RCVRN: variants seen among roughly 807,000 people sequenced by gnomAD.
RCVRN encodes cancer associated retinopathy antigen.
Under a neutral mutation model 20.4 loss-of-function variants are expected in RCVRN, and 23 were observed. The ratio of observed to expected loss-of-function variants is 1.13; its 90% CI spans 0.81 to 1.60. The LOEUF is 1.60. Among genes scored for constraint, RCVRN ranks in the 40% most tolerant of loss-of-function variants. The pLI is 0.00. For synonymous variants in RCVRN, 105 were observed against 105.9 expected (o/e 0.99, Z 0.05); for missense variants, 254 against 254.2 (o/e 1.00, Z 0.00).
rs139258757 is a variant in RCVRN, at chr17:9,905,021, C to T, written c.160G>A (p.Ala54Thr). The T allele has an allele frequency of 4.6e-5, 74 of 1,613,894 alleles. No individual in the cohort carries two copies. Among genetic ancestry groups the T allele is most frequent in the Non-Finnish European group, 6.0e-5 (71 of 1,179,968 alleles). ...GGGTCGGTGTCGGGGAAGAACTTGG[C>T]GTAGATGCTCTGGAACTGCTGCTGG... ...ITQQQFQSIY[A>T]KFFPDTDPKA... Residue 54 changes from alanine to threonine, a missense_variant, in exon 1 of 3, where the codon GCC becomes ACC. Transcript: ENST00000226193.
Position 9,899,672 on chromosome 17 carries a change from G to A in RCVRN, c.493+1317C>T, listed in dbSNP as rs1201962797. On this transcript the variant is annotated intron_variant, in intron 2 of 2. Transcript: ENST00000226193. The surrounding 1 kb of genome is among the most constrained non-coding windows in gnomAD (Gnocchi z 4.6). ...CAAAGGTGAGGGGCCAATCCGGGCC[G>A]ATGAGGGAAAGGTGGGTAAAGTACC... Among the ~76,000 whole-genome samples the A allele has an allele frequency of 1.3e-5, 2 of 152,192 alleles. No individual in the cohort carries two copies. Among genetic ancestry groups the A allele is most frequent in the Non-Finnish European group, 2.9e-5 (2 of 68,028 alleles).
intron 2 of RCVRN, 50 bp from the exon 3 acceptor site, chr17:9,898,254 A>G: frequency 8.9e-7 from 1 of 1,122,152 alleles, no homozygotes; most frequent in Non-Finnish European, 1.4e-6. Flanking sequence ...CAGGATTGAT[A>G]GCCAAGTGAG....
chr17:9,901,368 G>C (rs1304480821), intron 1 of RCVRN, among the ~76,000 whole-genome samples: 7 of 152,040 alleles, frequency 4.6e-5, no homozygotes, highest in Non-Finnish European at 8.8e-5. Context: ...ACACTAAAGA[G>C]CTTCTCCATG....
chr17:9,903,256 C>T (rs2067349046), intron 1 of RCVRN, among the ~76,000 whole-genome samples: 1 of 152,160 alleles, frequency 6.6e-6, no homozygotes, highest in African/African-American at 2.4e-5. Flanking sequence ...TCAGATAAAC[C>T]ATTTTCAAGA....
intron 2 of RCVRN, 105 bp from the exon 3 acceptor site, chr17:9,898,309 A>G: frequency 4.1e-6 from 3 of 738,192 alleles, no homozygotes; most frequent in Non-Finnish European, 7.3e-6. Flanking sequence ...GTGTGAATGT[A>G]TCTATTATAA....
chr17:9,904,765 C>T lies in RCVRN; in HGVS notation c.381+35G>A, dbSNP rs369625259. On this transcript the variant is annotated intron_variant, in intron 1 of 2. Coordinates refer to ENST00000226193, the MANE Select transcript of RCVRN (RefSeq NM_002903.3). The surrounding 1 kb of genome is among the most constrained non-coding windows in gnomAD (Gnocchi z 5.8). The stretch of plus-strand genomic sequence containing the variant: ...GACCCCCAGCCCGGAGCGACCCCGG[C>T]ACCGCCCAGCCAGAAGGGGAGAGGG... 67 of 1,591,660 alleles carry T rather than the reference C, an allele frequency of 4.2e-5. No homozygotes were observed. The highest frequency in any genetic ancestry group is 5.5e-5 in the Non-Finnish European group (64 of 1,166,792).
At chr17:9,898,734 G>A (rs1045989821) in intron 2 of RCVRN, among the ~76,000 whole-genome samples, 1 of 152,086 alleles carries the variant, frequency 6.6e-6, no homozygotes, top group Non-Finnish European at 1.5e-5. Flanking sequence ...ATGCCAGGGG[G>A]AGTGTGGCTT....
At position 9,904,799 on chromosome 17, in the gene RCVRN, C is replaced by T; in HGVS notation, c.381+1G>A. 6.2e-7 allele frequency: 1 copy of T among 1,612,716 alleles called. No homozygotes were observed. Among genetic ancestry groups the T allele is most frequent in the South Asian group, 1.1e-5 (1 of 90,944 alleles). On this transcript the variant is annotated splice_donor_variant, in intron 1 of 2. Transcript: ENST00000226193. LOFTEE classifies it high-confidence loss of function. This position sits in a 1 kb window ranked among gnomAD's most constrained non-coding sequence, Gnocchi z 5.8. ...GCCAGAAGGGGAGAGGGGAGACTGA[C>T]CATGACGATCTCCAGCACTTCATTC...
chr17:9,898,728 C>T (rs994705927), intron 2 of RCVRN, among the ~76,000 whole-genome samples: 17 of 152,066 alleles, frequency 1.1e-4, no homozygotes, highest in African/African-American at 4.1e-4. Flanking sequence ...GAGATCATGC[C>T]AGGGGGAGTG....
chr17:9,901,730 G>C (rs537839604), intron 1 of RCVRN, among the ~76,000 whole-genome samples: 8 of 152,348 alleles, frequency 5.3e-5, no homozygotes, highest in African/African-American at 1.9e-4. Context: ...AGCTGGCAGT[G>C]AGTGCCTGCC....
Position 9,897,301 on chromosome 17 carries a change from G to A in RCVRN, c.*794C>T, listed in dbSNP as rs2067321350. The A allele has an allele frequency of 1.3e-5, 2 of 151,902 alleles. No homozygotes were observed. Among genetic ancestry groups the A allele is most frequent in the African/African-American group, 4.8e-5 (2 of 41,312 alleles). 9.4% of individuals were successfully genotyped at this position (151,902 alleles called of 1,614,324 possible). ...CCTCCAGCCACCCCGACCTTCTCCTGGAACTCGAGATGGTCATTCATGCCT... is the reference window on the plus strand; with the variant it reads ...CCTCCAGCCACCCCGACCTTCTCCTAGAACTCGAGATGGTCATTCATGCCT... On this transcript the variant is annotated 3_prime_UTR_variant, in exon 3 of 3. Coordinates refer to ENST00000226193, the MANE Select transcript of RCVRN (RefSeq NM_002903.3).
At chr17:9,900,080 A>G (rs1411008372) in intron 2 of RCVRN, among the ~76,000 whole-genome samples, 1 of 152,146 alleles carries the variant, frequency 6.6e-6, no homozygotes. Context: ...CACGGGTTCC[A>G]TAGCCCCACA....
In RCVRN at chr17:9,904,111, C is replaced by T. The variant is rs1034688047; in HGVS notation, c.381+689G>A. Among the ~76,000 whole-genome samples, 5 of 152,118 alleles carry T rather than the reference C, an allele frequency of 3.3e-5. No individual in the cohort carries two copies. Among genetic ancestry groups the T allele is most frequent in the South Asian group, 2.1e-4 (1 of 4,806 alleles). ...CAAAAATTAGCTAGGCATAGTGGTG[C>T]ACACCTGTAATCCCAGCTACTCGGG... On this transcript the variant is annotated intron_variant, in intron 1 of 2. Coordinates refer to ENST00000226193, the MANE Select transcript of RCVRN (RefSeq NM_002903.3). The surrounding 1 kb of genome is among the most constrained non-coding windows in gnomAD (Gnocchi z 5.8).
intron 1 of RCVRN, 46 bp from the exon 2 acceptor site, chr17:9,901,146 G>T (rs748653855): frequency 1.4e-5 from 15 of 1,097,392 alleles, no homozygotes; most frequent in Non-Finnish European, 1.9e-5. Context: ...AACTTTAAGG[G>T]GCTGGCAACC....
At chr17:9,898,640 T>A (rs931647130) in intron 2 of RCVRN, among the ~76,000 whole-genome samples, 1 of 152,228 alleles carries the variant, frequency 6.6e-6, no homozygotes, top group Non-Finnish European at 1.5e-5. Flanking sequence ...ACAATCTGGA[T>A]GTCAGGCCCA....
Position 9,897,125 on chromosome 17 carries a change from AC to A in RCVRN, c.*969del, listed in dbSNP as rs2067320443. On this transcript the variant is annotated 3_prime_UTR_variant, in exon 3 of 3. Coordinates refer to ENST00000226193, the MANE Select transcript of RCVRN (RefSeq NM_002903.3). Reference sequence around the variant, plus strand: ...CTGGGGACTTCTCTTACAAACATAAACCCCTCCTACTTCCAACTCCACAGTG... The same window carrying A: ...CTGGGGACTTCTCTTACAAACATAAACCCTCCTACTTCCAACTCCACAGTG... 6.6e-6 allele frequency: 1 copy of A among 151,454 alleles called. No individual in the cohort carries two copies. 9.4% of individuals were successfully genotyped at this position (151,454 alleles called of 1,614,324 possible). A position where few individuals can be genotyped will look rare whatever the true frequency, so the allele number is the denominator to read the frequency against.
chr17:9,897,689 A>C lies in RCVRN; in HGVS notation c.*406T>G. ...AGAAATCATTTCCTTTTCCAGTTGA[A>C]GGATGACCAGCAGCCACGTGCCCAG... is the stretch of plus-strand genomic sequence containing the variant. On this transcript the variant is annotated 3_prime_UTR_variant, in exon 3 of 3. Transcript: ENST00000226193. 1 of 171,874 alleles carries C rather than the reference A, an allele frequency of 5.8e-6. No individual in the cohort carries two copies. The highest frequency in any genetic ancestry group is 1.2e-5 in the Non-Finnish European group (1 of 80,312). 10.6% of individuals were successfully genotyped at this position (171,874 alleles called of 1,614,324 possible).
Position 9,898,130 on chromosome 17 carries a change from G to A in RCVRN, c.568C>T (p.Pro190Ser), listed in dbSNP as rs761987430. 4.5e-5 allele frequency: 72 copies of A among 1,613,696 alleles called. No homozygotes were observed. The highest frequency in any genetic ancestry group is 1.1e-5 in the South Asian group (1 of 91,072). ...TTCATCTTTTCCTTCACTTTTTGAG[G>A]CTCAAACTGGATCAGTCGCAGAATT... is the stretch of plus-strand genomic sequence containing the variant. ...KEILRLIQFE[P>S]QKVKEKMKNA Residue 190 changes from proline to serine, a missense_variant, in exon 3 of 3, where the codon CCT becomes TCT. Pro to Ser is a moderately conservative substitution (Grantham distance 74). Transcript: ENST00000226193.
In RCVRN at chr17:9,898,125, T is replaced by C. The variant is rs772055568; in HGVS notation, c.573A>G (p.Gln191=). ...CGTTCTTCATCTTTTCCTTCACTTT[T>C]TGAGGCTCAAACTGGATCAGTCGCA... is the stretch of plus-strand genomic sequence containing the variant. ...EILRLIQFEP[Q]KVKEKMKNA is the part of the protein sequence containing the mutation. The change falls in exon 3 of 3, where the codon CAA becomes CAG. Residue 191 remains glutamine (Q), a synonymous_variant. Transcript: ENST00000226193. The C allele has an allele frequency of 1.9e-6, 3 of 1,613,984 alleles. No individual in the cohort carries two copies. The highest frequency in any genetic ancestry group is 2.5e-6 in the Non-Finnish European group (3 of 1,179,878).
Sources: allele counts gnomAD v4.1 joint callset (sites outside exome capture counted in the v4.1 genomes callset), GRCh38; gene constraint gnomAD v4.1.1; non-coding constraint Gnocchi (gnomAD v3.1); transcripts MANE v1.5; gene names NCBI Gene and HGNC (gene_info 2026-07-23, HGNC 2026-07-21).